HMCN1: variants seen among roughly 807,000 people sequenced by gnomAD.
HMCN1 encodes hemicentin-1.
HMCN1 carries 321 observed loss-of-function variants against 625.9 expected under a neutral mutation model. That is an observed-to-expected ratio of 0.51 (90% CI 0.47 to 0.56). The LOEUF (loss-of-function observed/expected upper bound fraction) is 0.56, where lower values mean the gene tolerates loss of function less well. Among genes scored for constraint, HMCN1 ranks in the 20% least tolerant of loss-of-function variants. The probability of loss-of-function intolerance (pLI) is 0.00; values close to 1 mark genes in which losing one functional copy is unlikely to be tolerated. For missense variants in HMCN1, 6,588 were observed against 6,887.3 expected (o/e 0.96, Z 1.54); for synonymous variants, 2,425 against 2,417.6 (o/e 1.00, Z -0.09).
intron 40 of HMCN1, 58 bp from the exon 41 acceptor site, chr1:186,045,630 G>T: frequency 1.6e-6 from 2 of 1,279,030 alleles, no homozygotes; most frequent in South Asian, 2.4e-5. Flanking sequence ...GATAATTGAT[G>T]AATGTAAACA....
intron 95 of HMCN1, 130 bp downstream of exon 95, chr1:186,151,873 G>A (rs1311418624): frequency 5.3e-5 from 48 of 900,840 alleles, no homozygotes. Context: ...TGATATAAAA[G>A]CAATTTCATG....
intron 4 of HMCN1, among the ~76,000 whole-genome samples, chr1:185,894,536 G>A (rs1470504445): frequency 2.0e-5 from 3 of 152,000 alleles, no homozygotes; most frequent in African/African-American, 7.3e-5. Flanking sequence ...TGGATCACTG[G>A]GCATGATTGT....
At chr1:185,912,068 A>C (rs1666454913) in intron 6 of HMCN1, among the ~76,000 whole-genome samples, 1 of 152,194 alleles carries the variant, frequency 6.6e-6, no homozygotes. Flanking sequence ...TCATGCTTAC[A>C]AAATAATCAG....
At chr1:186,161,516 T>G (rs1479726005) in intron 97 of HMCN1, among the ~76,000 whole-genome samples, 9 of 151,910 alleles carry the variant, frequency 5.9e-5, no homozygotes, top group African/African-American at 1.9e-4. Flanking sequence ...TTCCTAGTCT[T>G]GATGGTCTTT....
chr1:185,752,363 G>A (rs900649018), intron 1 of HMCN1, among the ~76,000 whole-genome samples: 7 of 152,064 alleles, frequency 4.6e-5, no homozygotes, highest in East Asian at 3.8e-4. Context: ...AAATCGTGCC[G>A]ACATGGACAT....
rs1653429855 is a variant in HMCN1 at position 185,734,710 on chromosome 1, C to A, written c.-70C>A. 40 of 1,464,794 alleles carry A rather than the reference C, an allele frequency of 2.7e-5. No homozygotes were observed. Among genetic ancestry groups the A allele is most frequent in the Non-Finnish European group, 3.6e-5 (38 of 1,048,120 alleles). The allele number at this position is 1,464,794 out of a possible 1,614,324, so 90.7% of individuals were successfully genotyped here. A position where few individuals can be genotyped will look rare whatever the true frequency, so the allele number is the denominator to read the frequency against. ...AGTTACTCTGAGAGGAAACCCTCTG[C>A]CTGTTGTTGAGGAGGACTGAGCACA... On this transcript the variant is annotated 5_prime_UTR_variant, in exon 1 of 107. Transcript: ENST00000271588.
chr1:185,990,163 G>A, intron 21 of HMCN1, 112 bp from the exon 22 acceptor site: 3 of 978,544 alleles, frequency 3.1e-6, no homozygotes, highest in Non-Finnish European at 5.0e-6. Context: ...GTCCTGAATA[G>A]CATCTTTTTA....
At chr1:185,837,585 T>C (rs370216522) in intron 1 of HMCN1, among the ~76,000 whole-genome samples, 87 of 152,266 alleles carry the variant, frequency 5.7e-4, no homozygotes, top group African/African-American at 2.0e-3. Context: ...CTTTGTGATC[T>C]CTTATATTGC....
At chr1:186,082,787 T>C in intron 56 of HMCN1, 78 bp from the exon 57 acceptor site, 1 of 716,298 alleles carries the variant, frequency 1.4e-6, no homozygotes, top group Admixed American at 3.0e-5. Context: ...ATATATATTA[T>C]TTATTCTAAA....
At chr1:185,762,914 T>C (rs1476099577) in intron 1 of HMCN1, among the ~76,000 whole-genome samples, 1 of 152,184 alleles carries the variant, frequency 6.6e-6, no homozygotes, top group African/African-American at 2.4e-5. Context: ...ATGTCCTTCT[T>C]GTCTTCCTCA....
At chr1:186,117,379 GATGT>G in intron 76 of HMCN1, 76 bp from the exon 77 acceptor site, 2 of 1,488,862 alleles carry the variant, frequency 1.3e-6, no homozygotes, top group Non-Finnish European at 1.9e-6. Context: ...GCAAAAAGAG[GATGT>G]ATGATAAGTC....
Position 186,123,177 on chromosome 1 carries a change from T to C in HMCN1, c.12456T>C (p.Asn4152=), listed in dbSNP as rs1401080536. The C allele has an allele frequency of 1.2e-6, 2 of 1,613,872 alleles. No individual in the cohort carries two copies. The highest frequency in any genetic ancestry group is 2.2e-5 in the East Asian group (1 of 44,870). Residue 4152 remains asparagine (N), a synonymous_variant, in exon 81 of 107, where the codon AAT becomes AAC. Coordinates refer to ENST00000271588, the MANE Select transcript of HMCN1 (RefSeq NM_031935.3). ...DAGHYTCMAA[N]VAGSSSTSTK... is the part of the protein sequence containing the mutation. Reference sequence around the variant, plus strand: ...GCCATTACACGTGCATGGCAGCCAATGTAGCAGGATCAAGCAGCACAAGCA... The same window carrying C: ...GCCATTACACGTGCATGGCAGCCAACGTAGCAGGATCAAGCAGCACAAGCA...
At chr1:186,054,296 A>G (rs1021911016) in intron 44 of HMCN1, among the ~76,000 whole-genome samples, 2 of 151,954 alleles carry the variant, frequency 1.3e-5, no homozygotes, top group African/African-American at 4.8e-5. Context: ...CATAGGGGAT[A>G]TTTACAATAT....
intron 4 of HMCN1, among the ~76,000 whole-genome samples, chr1:185,866,549 C>A (rs940676758): frequency 5.3e-5 from 8 of 151,630 alleles, no homozygotes; most frequent in South Asian, 2.1e-4. Context: ...GGACTACAGG[C>A]GCCCACCACC....
At chr1:186,130,977 T>C (rs1278399477) in intron 85 of HMCN1, among the ~76,000 whole-genome samples, 1 of 152,168 alleles carries the variant, frequency 6.6e-6, no homozygotes, top group African/African-American at 2.4e-5. Context: ...ACAAGGAAAT[T>C]GAAGAATTAC....
chr1:185,777,687 T>C (rs934852725), intron 1 of HMCN1, among the ~76,000 whole-genome samples: 2 of 152,180 alleles, frequency 1.3e-5, no homozygotes, highest in Admixed American at 6.5e-5. Context: ...CTCGACCTGG[T>C]GATCCGCCCG....
intron 36 of HMCN1, among the ~76,000 whole-genome samples, chr1:186,029,501 A>G (rs1352374177): frequency 6.7e-6 from 1 of 150,032 alleles, no homozygotes; most frequent in East Asian, 1.9e-4. Context: ...AGGTTATCTA[A>G]TTTGTTGGCA....
chr1:185,769,545 G>A (rs1656094375), intron 1 of HMCN1, among the ~76,000 whole-genome samples: 1 of 152,110 alleles, frequency 6.6e-6, no homozygotes, highest in Admixed American at 6.6e-5. Context: ...AAAAATGGCA[G>A]GGTAGAGAAG....
In HMCN1 at chr1:186,048,825, A is replaced by G. The variant is rs1258118386; in HGVS notation, c.6563A>G (p.Asn2188Ser). The G allele has an allele frequency of 7.5e-6, 12 of 1,604,450 alleles. No homozygotes were observed. Among genetic ancestry groups the G allele is most frequent in the East Asian group, 2.2e-5 (1 of 44,718 alleles). Residue 2188 changes from asparagine to serine, a missense_variant, in exon 42 of 107, where the codon AAT becomes AGT. Physicochemically the swap from Asn to Ser is conservative, Grantham distance 46 (BLOSUM62 1). Coordinates refer to ENST00000271588, the MANE Select transcript of HMCN1 (RefSeq NM_031935.3). ...NVAGKTEKNY[N>S]VNIWVPPNIG... ...GCTGGAAAAACTGAAAAAAACTACA[A>G]TGTCAACATTTGGGGTAAGTGTAAT...
Sources: gnomAD v4.1 joint callset for allele counts (sites outside exome capture counted in the v4.1 genomes callset) on GRCh38, gnomAD v4.1.1 for gene constraint, MANE v1.5 for transcripts, NCBI Gene and HGNC (gene_info 2026-07-23, HGNC 2026-07-21) for gene names.